Variants in UGT1A10 observed in about 807,000 individuals in gnomAD.
UGT1A10 encodes the protein UDP glucuronosyltransferase family 1 member A10.
Under a neutral mutation model 45.8 loss-of-function variants are expected in UGT1A10, and 49 were observed. That is an observed-to-expected ratio of 1.07 (90% CI 0.85 to 1.36). The LOEUF is 1.36. UGT1A10 is among the 40% of genes most tolerant of loss of function. The pLI is 0.00. For missense variants in UGT1A10, 745 were observed against 668.6 expected, an observed-to-expected ratio of 1.11 and a Z score of -1.26; for synonymous variants, 284 against 249.7, an observed-to-expected ratio of 1.14 and a Z score of -1.29.
chr2:233,714,057 A>C (rs2076363113), intron 1 of UGT1A10, among the ~76,000 whole-genome samples: 1 of 152,148 alleles, frequency 6.6e-6, no homozygotes, highest in African/African-American at 2.4e-5. Context: ...GGCCACTGAG[A>C]GGAAGGAGAG....
At chr2:233,752,814 C>T (rs1695070900) in intron 1 of UGT1A10, among the ~76,000 whole-genome samples, 1 of 152,214 alleles carries the variant, frequency 6.6e-6, no homozygotes, top group African/African-American at 2.4e-5. Flanking sequence ...GAACACTTCC[C>T]ATTTATGACA....
At chr2:233,729,586 G>A (rs138085546) in intron 1 of UGT1A10, 599 of 1,614,044 alleles carry the variant, frequency 3.7e-4, no homozygotes, top group Non-Finnish European at 4.5e-4. Context: ...AACAGACCCC[G>A]TTAACCTCTG....
At chr2:233,721,730 G>A (rs1364085120) in intron 1 of UGT1A10, 3 of 416,596 alleles carry the variant, frequency 7.2e-6, no homozygotes, top group Non-Finnish European at 9.6e-6. Context: ...ACTTGGATAA[G>A]CTTAATGATG....
intron 1 of UGT1A10, chr2:233,747,257 G>T: frequency 6.2e-7 from 1 of 1,600,080 alleles, no homozygotes; most frequent in Non-Finnish European, 8.5e-7. Context: ...CTGGCCACAG[G>T]AGTGCTACTC....
chr2:233,730,153 G>T (rs1158500294), intron 1 of UGT1A10, among the ~76,000 whole-genome samples: 1 of 152,204 alleles, frequency 6.6e-6, no homozygotes, highest in East Asian at 1.9e-4. Flanking sequence ...CTGTTAAGGG[G>T]TCTCTAGTAG....
chr2:233,713,755 G>A (rs1032463751), intron 1 of UGT1A10: 1 of 1,613,844 alleles, frequency 6.2e-7, no homozygotes, highest in Non-Finnish European at 8.5e-7. Context: ...GCATCTGTGT[G>A]GCTGTTCCGA....
At chr2:233,758,786 G>A (rs1696976610) in intron 1 of UGT1A10, among the ~76,000 whole-genome samples, 1 of 152,212 alleles carries the variant, frequency 6.6e-6, no homozygotes, top group African/African-American at 2.4e-5. Flanking sequence ...GATCTGTGCA[G>A]TTATCTTGGA....
intron 1 of UGT1A10, among the ~76,000 whole-genome samples, chr2:233,689,453 A>C (rs1166849064): frequency 6.6e-6 from 1 of 152,232 alleles, no homozygotes; most frequent in Non-Finnish European, 1.5e-5. Context: ...GCAAGGATAC[A>C]TTTTAGGAAA....
intron 1 of UGT1A10, among the ~76,000 whole-genome samples, chr2:233,641,181 T>C (rs923402676): frequency 2.0e-5 from 3 of 152,156 alleles, no homozygotes; most frequent in African/African-American, 7.2e-5. Context: ...GCAACATATT[T>C]TCCTACTTTC....
intron 1 of UGT1A10, among the ~76,000 whole-genome samples, chr2:233,659,858 A>T (rs80036991): frequency 6.6e-6 from 1 of 152,152 alleles, no homozygotes; most frequent in African/African-American, 2.4e-5. Flanking sequence ...AGATTGTCTA[A>T]TGTCAATTTA....
chr2:233,755,278 G>T, intron 1 of UGT1A10: 4 of 710,378 alleles, frequency 5.6e-6, no homozygotes, highest in Non-Finnish European at 8.6e-6. Flanking sequence ...ATGCTGGACT[G>T]CCAAAGAGCC....
At chr2:233,743,603 C>T (rs1273601432) in intron 1 of UGT1A10, 1 of 1,367,314 alleles carries the variant, frequency 7.3e-7, no homozygotes, top group East Asian at 4.6e-5. Context: ...GTCCTGGCCG[C>T]CGAAGAACTC....
rs776178940 is a variant in UGT1A10 at position 233,636,585 on chromosome 2, C to T, written c.63C>T (p.Gly21=). 2 of 1,613,998 alleles carry T rather than the reference C, an allele frequency of 1.2e-6. No homozygotes were observed. The highest frequency in any genetic ancestry group is 1.3e-5 in the African/African-American group (1 of 74,884). ...PLCVCLLLTC[G]FAEAGKLLVV... Reference sequence around the variant, plus strand: ...GTGTGTGTCTACTGCTGACCTGTGGCTTTGCCGAGGCAGGGAAGCTGCTGG... The same window carrying T: ...GTGTGTGTCTACTGCTGACCTGTGGTTTTGCCGAGGCAGGGAAGCTGCTGG... Residue 21 remains glycine (G), a synonymous_variant, in exon 1 of 5, where the codon GGC becomes GGT. Coordinates refer to ENST00000344644, the MANE Select transcript of UGT1A10 (RefSeq NM_019075.4).
At chr2:233,759,367 G>A (rs1697118309) in intron 1 of UGT1A10, among the ~76,000 whole-genome samples, 1 of 152,146 alleles carries the variant, frequency 6.6e-6, no homozygotes, top group Admixed American at 6.5e-5. Flanking sequence ...CTATAAAAAG[G>A]TACAGGTTTT....
At chr2:233,739,246 G>A (rs1691023323) in intron 1 of UGT1A10, among the ~76,000 whole-genome samples, 1 of 152,234 alleles carries the variant, frequency 6.6e-6, no homozygotes, top group Non-Finnish European at 1.5e-5. Context: ...CTAGAGAAGG[G>A]TGGTAAAGAA....
intron 1 of UGT1A10, among the ~76,000 whole-genome samples, chr2:233,706,260 G>A (rs1000917141): frequency 6.6e-6 from 1 of 152,228 alleles, no homozygotes; most frequent in Non-Finnish European, 1.5e-5. Context: ...AGGGCAGCTG[G>A]ATTGCCCAAC....
chr2:233,772,579 G>A lies in UGT1A10; in HGVS notation c.*20G>A. ...CATTGAGAAGTGGGTGGGAAATAAG[G>A]TAAAATTTTGAACCATTCCCTAGTC... On this transcript the variant is annotated 3_prime_UTR_variant, in exon 5 of 5. Transcript: ENST00000344644. The A allele has an allele frequency of 6.2e-7, 1 of 1,608,678 alleles. No homozygotes were observed. Among genetic ancestry groups the A allele is most frequent in the Non-Finnish European group, 8.5e-7 (1 of 1,177,120 alleles).
chr2:233,768,331 A>G lies in UGT1A10; in HGVS notation c.1187A>G (p.Asp396Gly), dbSNP rs779591634. The change falls in exon 4 of 5, where the codon GAC (aspartate) becomes GGC (glycine). Residue 396 changes from aspartate (D) to glycine (G), a missense_variant. Transcript: ENST00000344644. ...ATGCCCTTGTTTGGTGATCAGATGG[A>G]CAATGCAAAGCGCATGGAGACTAAG... ...VMMPLFGDQM[D>G]NAKRMETKGA... 1 of 1,614,198 alleles carries G rather than the reference A, an allele frequency of 6.2e-7. No homozygotes were observed. Among genetic ancestry groups the G allele is most frequent in the Admixed American group, 1.7e-5 (1 of 60,024 alleles).
At position 233,664,273 on chromosome 2, in the gene UGT1A10, T is replaced by C. The variant is rs538874082; in HGVS notation, c.855+26896T>C. Among the ~76,000 whole-genome samples, 18 of 152,316 alleles carry C rather than the reference T, an allele frequency of 1.2e-4. No homozygotes were observed. In the South Asian group the frequency reaches 3.7e-3, roughly 32 times the overall value. On this transcript the variant is annotated intron_variant, in intron 1 of 4. Coordinates refer to ENST00000344644, the MANE Select transcript of UGT1A10 (RefSeq NM_019075.4). Reference sequence around the variant, plus strand: ...CCAAGCTTTCCTTCATCTTCCTGTCTTCTTCTGAGCCCTCCAAACTCTTCA... The same window carrying C: ...CCAAGCTTTCCTTCATCTTCCTGTCCTCTTCTGAGCCCTCCAAACTCTTCA...
Sources: gnomAD v4.1 joint callset for allele counts (sites outside exome capture counted in the v4.1 genomes callset) on GRCh38, gnomAD v4.1.1 for gene constraint, MANE v1.5 for transcripts, NCBI Gene and HGNC (gene_info 2026-07-23, HGNC 2026-07-21) for gene names.